PABPC4L: variants seen among roughly 807,000 people sequenced by gnomAD.
PABPC4L encodes the protein polyadenylate-binding protein 4-like.
For synonymous variants in PABPC4L, 169 were observed against 164.1 expected, an observed-to-expected ratio of 1.03 and a Z score of -0.23; for missense variants, 452 against 451.4, an observed-to-expected ratio of 1.00 and a Z score of -0.01.
At chr4:134,029,058 G>A in the PABPC4L span, among the ~76,000 whole-genome samples, 1 of 152,044 alleles carries the variant, frequency 6.6e-6, no homozygotes, top group Non-Finnish European at 1.5e-5. Flanking sequence ...GTTGGCTTAT[G>A]TTCTTTGTAT....
the PABPC4L span, among the ~76,000 whole-genome samples, chr4:134,146,796 G>T: frequency 6.6e-6 from 1 of 152,074 alleles, no homozygotes; most frequent in African/African-American, 2.4e-5. Context: ...AGCACCATTT[G>T]ATTGGTTACA....
downstream of PABPC4L, among the ~76,000 whole-genome samples, chr4:134,194,682 C>T (rs7681133): frequency 0.45 from 68,645 of 151,482 alleles, 18,033 homozygotes; most frequent in East Asian, 0.98. Flanking sequence ...AAGATTTGTT[C>T]CACCTGTACA....
At chr4:134,170,862 G>T in the PABPC4L span, among the ~76,000 whole-genome samples, 14 of 152,114 alleles carry the variant, frequency 9.2e-5, no homozygotes, top group African/African-American at 3.1e-4. Flanking sequence ...TAAGCGGATT[G>T]CTGGATCAAA....
At chr4:133,999,411 G>A in the PABPC4L span, among the ~76,000 whole-genome samples, 354 of 151,982 alleles carry the variant, frequency 2.3e-3, 1 homozygote, top group African/African-American at 6.8e-3. Context: ...TCCTTTTGTC[G>A]TTGTTGTTAT....
the PABPC4L span, among the ~76,000 whole-genome samples, chr4:133,964,389 C>T: frequency 1.3e-5 from 2 of 151,422 alleles, no homozygotes; most frequent in Non-Finnish European, 3.0e-5. Context: ...TTCTACCAGA[C>T]ATTCAAAGAA....
chr4:134,003,310 C>T, the PABPC4L span, among the ~76,000 whole-genome samples: 11 of 151,832 alleles, frequency 7.2e-5, 1 homozygote, highest in Non-Finnish European at 1.6e-4. Flanking sequence ...ATGGAGAACC[C>T]TACTCAACAT....
At chr4:134,175,815 ACTAATC>A in the PABPC4L span, among the ~76,000 whole-genome samples, 5 of 152,184 alleles carry the variant, frequency 3.3e-5, no homozygotes, top group Non-Finnish European at 5.9e-5. Context: ...AAAACAGGAG[ACTAATC>A]CTAGGCTGCA....
chr4:134,057,988 C>A, the PABPC4L span, among the ~76,000 whole-genome samples: 1 of 151,900 alleles, frequency 6.6e-6, no homozygotes, highest in Non-Finnish European at 1.5e-5. Flanking sequence ...TCTTTATAAT[C>A]ACAATCAAAT....
chr4:134,176,261 G>C, the PABPC4L span, among the ~76,000 whole-genome samples: 1 of 151,920 alleles, frequency 6.6e-6, no homozygotes, highest in Non-Finnish European at 1.5e-5. Flanking sequence ...ATAGATAAAT[G>C]ATTATAAGCT....
the PABPC4L span, among the ~76,000 whole-genome samples, chr4:134,107,768 A>G: frequency 2.0e-5 from 3 of 151,652 alleles, no homozygotes; most frequent in Non-Finnish European, 3.0e-5. Flanking sequence ...AGACACTATT[A>G]TGACTTCTCA....
At chr4:134,016,913 C>T in the PABPC4L span, among the ~76,000 whole-genome samples, 2,082 of 152,246 alleles carry the variant, frequency 0.014, 29 homozygotes, top group Non-Finnish European at 0.02. Context: ...TGACTACTCA[C>T]ATGCCCCAAG....
chr4:134,031,138 C>A, the PABPC4L span, among the ~76,000 whole-genome samples: 1 of 151,854 alleles, frequency 6.6e-6, no homozygotes, highest in Non-Finnish European at 1.5e-5. Flanking sequence ...GGTTTTTTTC[C>A]CAGTTCTCCT....
the PABPC4L span, among the ~76,000 whole-genome samples, chr4:134,122,025 T>G: frequency 1.3e-5 from 2 of 151,872 alleles, no homozygotes; most frequent in Admixed American, 6.6e-5. Flanking sequence ...TTTTATTTTT[T>G]TATATTTTAA....
At chr4:133,996,167 G>C in the PABPC4L span, among the ~76,000 whole-genome samples, 1 of 152,134 alleles carries the variant, frequency 6.6e-6, no homozygotes, top group South Asian at 2.1e-4. Flanking sequence ...CCAGAGAATG[G>C]TGGGACTGAG....
the PABPC4L span, among the ~76,000 whole-genome samples, chr4:134,043,376 C>G: frequency 6.6e-6 from 1 of 152,078 alleles, no homozygotes. Flanking sequence ...ATAGATGCAT[C>G]ATTAGTATCT....
chr4:134,183,901 C>G, the PABPC4L span, among the ~76,000 whole-genome samples: 2 of 151,114 alleles, frequency 1.3e-5, no homozygotes, highest in Admixed American at 1.3e-4. Flanking sequence ...CAATAAAATC[C>G]CTAAAAGATT....
the PABPC4L span, among the ~76,000 whole-genome samples, chr4:134,111,639 T>C: frequency 6.6e-6 from 1 of 151,892 alleles, no homozygotes. Flanking sequence ...GGTAACTGAA[T>C]CATGGGGGCC....
At chr4:134,079,048 T>G in the PABPC4L span, among the ~76,000 whole-genome samples, 2 of 142,512 alleles carry the variant, frequency 1.4e-5, no homozygotes, top group Non-Finnish European at 3.0e-5. Context: ...CTTGGTTCAC[T>G]GCAACCTTCG....
At chr4:134,160,300 A>C in the PABPC4L span, among the ~76,000 whole-genome samples, 1 of 152,070 alleles carries the variant, frequency 6.6e-6, no homozygotes, top group Non-Finnish European at 1.5e-5. Flanking sequence ...GAGAAAAGAG[A>C]GGGAAGAGAG....
Sources: gnomAD v4.1 joint callset for allele counts (sites outside exome capture counted in the v4.1 genomes callset) on GRCh38, gnomAD v4.1.1 for gene constraint, MANE v1.5 for transcripts, NCBI Gene and HGNC (gene_info 2026-07-23, HGNC 2026-07-21) for gene names.